The following PRKCQ variants were observed in gnomAD, a reference collection of about 807,000 sequenced individuals.
The protein encoded by PRKCQ is protein kinase C theta type.
A neutral mutation model predicts 91.2 loss-of-function variants in PRKCQ; 41 were observed. The observed-to-expected ratio is 0.45, with a 90% CI of 0.35 to 0.58. The LOEUF (loss-of-function observed/expected upper bound fraction) is 0.58. Among genes scored for constraint, PRKCQ ranks in the 20% least tolerant of loss-of-function variants. The pLI, the probability that PRKCQ is intolerant of heterozygous loss-of-function variation, is 0.00. For missense variants in PRKCQ, 673 were observed against 896.5 expected (o/e 0.75, Z 3.18); for synonymous variants, 307 against 316.9 (o/e 0.97, Z 0.33).
chr10:6,497,123 G>A lies in PRKCQ; in HGVS notation c.575-3C>T, dbSNP rs1283888572. On this transcript the variant is annotated splice_region_variant and splice_polypyrimidine_tract_variant and intron_variant, in intron 6 of 17. Coordinates refer to ENST00000263125, the MANE Select transcript of PRKCQ (RefSeq NM_006257.5). The surrounding 1 kb of genome is among the most constrained non-coding windows in gnomAD (Gnocchi z 4.5). ...CTTGTGAATTGCTGCATTGCATTCT[G>A]AAAAGAAGAAAAAAATCACAGCTTA... The A allele has an allele frequency of 3.7e-6, 6 of 1,613,838 alleles. No individual in the cohort carries two copies. Among genetic ancestry groups the A allele is most frequent in the Non-Finnish European group, 4.2e-6 (5 of 1,179,878 alleles).
At chr10:6,394,887 T>C in the PRKCQ span, among the ~76,000 whole-genome samples, 1 of 152,070 alleles carries the variant, frequency 6.6e-6, no homozygotes, top group Non-Finnish European at 1.5e-5. Context: ...TTCATGACTC[T>C]TCCCTGAAGG....
chr10:6,428,468 G>GTGTT, intron 17 of PRKCQ, 106 bp from the exon 18 acceptor site: 1 of 1,307,706 alleles, frequency 7.6e-7, no homozygotes, highest in Non-Finnish European at 1.1e-6. Flanking sequence ...GGCAAAGTTG[G>GTGTT]TGTTTGCAGA....
At chr10:6,476,589 A>T (rs594885) in intron 12 of PRKCQ, among the ~76,000 whole-genome samples, 28,346 of 152,180 alleles carry the variant, frequency 0.19, 2,786 homozygotes, top group Middle Eastern at 0.32. Flanking sequence ...CATTTACATC[A>T]TCATTTAAAA....
intron 13 of PRKCQ, among the ~76,000 whole-genome samples, chr10:6,462,858 A>T (rs990356153): frequency 5.3e-5 from 8 of 152,144 alleles, no homozygotes; most frequent in African/African-American, 1.7e-4. Context: ...TACAAAAATT[A>T]GCAGGGCATG....
At chr10:6,491,045 T>C (rs186472487) in intron 8 of PRKCQ, among the ~76,000 whole-genome samples, 189 of 152,320 alleles carry the variant, frequency 1.2e-3, no homozygotes, top group Middle Eastern at 6.8e-3. Context: ...CAATAATGAA[T>C]GGCAGGTTAG....
chr10:6,469,509 G>A (rs967808909), intron 12 of PRKCQ, among the ~76,000 whole-genome samples: 1 of 152,192 alleles, frequency 6.6e-6, no homozygotes, highest in African/African-American at 2.4e-5. Context: ...TCTAAGTGAG[G>A]GGCTGGGCGG....
intron 1 of PRKCQ, among the ~76,000 whole-genome samples, chr10:6,563,426 T>C (rs926019376): frequency 3.3e-5 from 5 of 152,074 alleles, no homozygotes; most frequent in Non-Finnish European, 7.4e-5. Context: ...GTCCTGATGT[T>C]GGGCCATCTC....
chr10:6,500,633 C>A (rs1837853022), intron 4 of PRKCQ, among the ~76,000 whole-genome samples: 1 of 151,828 alleles, frequency 6.6e-6, no homozygotes. Context: ...ACATAGAATT[C>A]TTTAATTTTT....
At chr10:6,429,639 C>CAA (rs2132222576) in intron 17 of PRKCQ, among the ~76,000 whole-genome samples, 1 of 152,320 alleles carries the variant, frequency 6.6e-6, no homozygotes, top group Non-Finnish European at 1.5e-5. Flanking sequence ...GGCAAACCCA[C>CAA]AACTTTGCTC....
chr10:6,498,911 T>G (rs926800693), intron 4 of PRKCQ, among the ~76,000 whole-genome samples: 1 of 152,200 alleles, frequency 6.6e-6, no homozygotes, highest in Non-Finnish European at 1.5e-5. Flanking sequence ...TCACCATCAA[T>G]GATGACTCAG....
At chr10:6,416,177 G>A in the PRKCQ span, among the ~76,000 whole-genome samples, 1 of 152,068 alleles carries the variant, frequency 6.6e-6, no homozygotes, top group Admixed American at 6.6e-5. Flanking sequence ...TACAATGAGT[G>A]CAAAATACAA....
intron 1 of PRKCQ, among the ~76,000 whole-genome samples, chr10:6,548,007 A>T (rs1472817660): frequency 2.0e-5 from 3 of 151,644 alleles, no homozygotes; most frequent in African/African-American, 7.3e-5. Flanking sequence ...AATATCCAGA[A>T]TCTACAATGA....
At chr10:6,539,044 G>A (rs1451837784) in intron 1 of PRKCQ, among the ~76,000 whole-genome samples, 1 of 152,156 alleles carries the variant, frequency 6.6e-6, no homozygotes, top group African/African-American at 2.4e-5. Flanking sequence ...GATTACAGGC[G>A]TGATGAATTT....
chr10:6,490,903 T>TA (rs398114023), intron 8 of PRKCQ, among the ~76,000 whole-genome samples: 1 of 151,864 alleles, frequency 6.6e-6, no homozygotes, highest in East Asian at 1.9e-4. Flanking sequence ...TTTTTTTTTT[T>TA]CTTCCCTAGT....
intron 1 of PRKCQ, among the ~76,000 whole-genome samples, chr10:6,518,227 T>G (rs1457991014): frequency 6.6e-6 from 1 of 152,172 alleles, no homozygotes; most frequent in Non-Finnish European, 1.5e-5. Flanking sequence ...ATTGGTATTT[T>G]AAGGCATGTG....
At chr10:6,489,276 G>A in intron 8 of PRKCQ, 1 of 462,356 alleles carries the variant, frequency 2.2e-6, no homozygotes, top group Admixed American at 2.4e-5. Flanking sequence ...AACATAGAGG[G>A]ATGGAGTTTT....
intron 8 of PRKCQ, among the ~76,000 whole-genome samples, chr10:6,488,792 G>C (rs1837085417): frequency 6.6e-6 from 1 of 151,384 alleles, no homozygotes. Context: ...TTGTGTTGTT[G>C]TTCTTGAGAC....
chr10:6,548,036 G>A (rs1306764166), intron 1 of PRKCQ, among the ~76,000 whole-genome samples: 1 of 151,792 alleles, frequency 6.6e-6, no homozygotes, highest in African/African-American at 2.4e-5. Flanking sequence ...AAATTTACAA[G>A]AAAAAAACAA....
At chr10:6,519,819 AT>A (rs1422918796) in intron 1 of PRKCQ, among the ~76,000 whole-genome samples, 2 of 152,076 alleles carry the variant, frequency 1.3e-5, no homozygotes, top group East Asian at 1.9e-4. Context: ...ATATGTATAG[AT>A]TTTTCCCCAA....
Sources: allele counts gnomAD v4.1 joint callset (sites outside exome capture counted in the v4.1 genomes callset), GRCh38; gene constraint gnomAD v4.1.1; non-coding constraint Gnocchi (gnomAD v3.1); transcripts MANE v1.5; gene names NCBI Gene and HGNC (gene_info 2026-07-23, HGNC 2026-07-21).